Variants in EPM2A observed in about 807,000 individuals in gnomAD.
EPM2A encodes laforin.
In EPM2A, 21 loss-of-function variants were observed where a neutral mutation model predicts 26.5. That is an observed-to-expected ratio of 0.79 (90% CI 0.56 to 1.14). The LOEUF (loss-of-function observed/expected upper bound fraction) is 1.14. EPM2A is among the 50% of genes most tolerant of loss of function. The probability of loss-of-function intolerance (pLI) is 0.00; values close to 1 mark genes in which losing one functional copy is unlikely to be tolerated. For synonymous variants in EPM2A, 217 were observed against 177.6 expected, an observed-to-expected ratio of 1.22 and a Z score of -1.76; for missense variants, 458 against 440.8, an observed-to-expected ratio of 1.04 and a Z score of -0.35.
chr6:145,641,619 C>T (rs569922733), intron 2 of EPM2A, among the ~76,000 whole-genome samples: 42 of 152,272 alleles, frequency 2.8e-4, no homozygotes, highest in Middle Eastern at 6.8e-3. Flanking sequence ...ATACACCAGA[C>T]GTCCTTAAAG....
chr6:145,448,456 TAAAGA>T (rs904265871), intron 4 of EPM2A, among the ~76,000 whole-genome samples: 2 of 152,056 alleles, frequency 1.3e-5, no homozygotes, highest in Non-Finnish European at 2.9e-5. Context: ...GTCAGATTAT[TAAAGA>T]AGAGAAAGGA....
At chr6:145,429,643 A>G (rs1460854452) in intron 4 of EPM2A, among the ~76,000 whole-genome samples, 1 of 152,194 alleles carries the variant, frequency 6.6e-6, no homozygotes, top group South Asian at 2.1e-4. Flanking sequence ...AATAATGCAA[A>G]TTTAATTTTT....
chr6:145,457,807 T>C (rs554427855), intron 4 of EPM2A, among the ~76,000 whole-genome samples: 1 of 152,334 alleles, frequency 6.6e-6, no homozygotes, highest in South Asian at 2.1e-4. Flanking sequence ...AATATGTGAT[T>C]CACATGATAA....
chr6:145,457,033 T>C (rs113433699), intron 4 of EPM2A, among the ~76,000 whole-genome samples: 57 of 152,356 alleles, frequency 3.7e-4, no homozygotes, highest in African/African-American at 1.4e-3. Flanking sequence ...GATTGTTTAT[T>C]ATGTGCTAAG....
chr6:145,697,036 A>T (rs1354749261), intron 1 of EPM2A, among the ~76,000 whole-genome samples: 1 of 152,136 alleles, frequency 6.6e-6, no homozygotes, highest in Admixed American at 6.6e-5. Context: ...TGGGCTCATA[A>T]CTTGGTGCAT....
At chr6:145,496,728 A>ATGTTTTCTTGTTTTT (rs779194973), downstream of EPM2A, among the ~76,000 whole-genome samples, 2 of 106,908 alleles carry the variant, frequency 1.9e-5, no homozygotes, top group Non-Finnish European at 3.9e-5. Context: ...AGTTCCTGCA[A>ATGTTTTCTTGTTTTT]TTTTTTTTTT....
chr6:145,443,749 G>A (rs1367936924), intron 4 of EPM2A, among the ~76,000 whole-genome samples: 1 of 152,144 alleles, frequency 6.6e-6, no homozygotes, highest in East Asian at 1.9e-4. Flanking sequence ...CCCATGTGTT[G>A]TGGAAGGGAC....
chr6:145,415,682 A>G (rs1012639004), intron 4 of EPM2A, among the ~76,000 whole-genome samples: 3 of 152,200 alleles, frequency 2.0e-5, no homozygotes, highest in Non-Finnish European at 4.4e-5. Flanking sequence ...TACACTTTAC[A>G]AAGTACTGTA....
intron 2 of EPM2A, among the ~76,000 whole-genome samples, chr6:145,644,485 A>G (rs1777314928): frequency 6.6e-6 from 1 of 152,138 alleles, no homozygotes; most frequent in Non-Finnish European, 1.5e-5. Context: ...AAAATTTAGG[A>G]AAATACACAT....
chr6:145,384,925 A>G lies in EPM2A; in HGVS notation c.556-828T>C, dbSNP rs1187810538. On this transcript the variant is annotated intron_variant, in intron 4 of 4. Transcript: ENST00000638717. ...GAGATAAGACAACGACTAGGCATCT[A>G]TGAGGTCTCCATAAGAACATAAATC... Among the ~76,000 whole-genome samples the G allele has an allele frequency of 2.7e-5, 4 of 147,912 alleles. 1 individual carries two copies. Among genetic ancestry groups the G allele is most frequent in the African/African-American group, 7.5e-5 (3 of 39,938 alleles).
intron 2 of EPM2A, among the ~76,000 whole-genome samples, chr6:145,616,042 C>T (rs1160561686): frequency 1.3e-5 from 2 of 152,190 alleles, no homozygotes; most frequent in Non-Finnish European, 2.9e-5. Flanking sequence ...TAATGAGGAA[C>T]CAAATGTGAA....
chr6:145,580,205 A>G (rs1231276148), intron 2 of EPM2A, among the ~76,000 whole-genome samples: 3 of 152,174 alleles, frequency 2.0e-5, no homozygotes, highest in Non-Finnish European at 4.4e-5. Flanking sequence ...GACTTCCTCC[A>G]AAATTTCATG....
intron 2 of EPM2A, among the ~76,000 whole-genome samples, chr6:145,613,382 T>G (rs1319074970): frequency 1.3e-5 from 2 of 152,200 alleles, no homozygotes; most frequent in Admixed American, 1.3e-4. Flanking sequence ...TCAGGATGGT[T>G]GAAATCAACT....
At chr6:145,501,279 T>C (rs550677482), downstream of EPM2A, among the ~76,000 whole-genome samples, 2 of 152,326 alleles carry the variant, frequency 1.3e-5, 1 homozygote, top group South Asian at 4.1e-4. Flanking sequence ...GGAATTTTTC[T>C]TTGTGCCCAA....
intron 4 of EPM2A, among the ~76,000 whole-genome samples, chr6:145,401,658 A>G (rs1778492360): frequency 6.6e-6 from 1 of 152,170 alleles, no homozygotes; most frequent in Admixed American, 6.6e-5. Context: ...CTGAATCTCC[A>G]TCATTAGACT....
intron 4 of EPM2A, among the ~76,000 whole-genome samples, chr6:145,385,665 G>T (rs1368148952): frequency 2.0e-5 from 3 of 152,052 alleles, no homozygotes; most frequent in Admixed American, 2.0e-4. Context: ...CAAGGTGACG[G>T]TGTTTCTGTA....
intron 2 of EPM2A, among the ~76,000 whole-genome samples, chr6:145,659,285 A>G (rs1274674301): frequency 6.6e-6 from 1 of 152,200 alleles, no homozygotes; most frequent in African/African-American, 2.4e-5. Flanking sequence ...AATTGTGCAA[A>G]GCAACAGTCC....
intron 4 of EPM2A, among the ~76,000 whole-genome samples, chr6:145,478,648 T>C (rs1779570290): frequency 6.6e-6 from 1 of 151,834 alleles, no homozygotes; most frequent in Admixed American, 6.6e-5. Context: ...CATAAGCATC[T>C]GTAGCTATAC....
chr6:145,467,388 T>C (rs1439489692), intron 4 of EPM2A, among the ~76,000 whole-genome samples: 1 of 152,130 alleles, frequency 6.6e-6, no homozygotes, highest in Non-Finnish European at 1.5e-5. Flanking sequence ...ATTGCCTTTG[T>C]CACATATTAA....
Sources: gnomAD v4.1 joint callset for allele counts (sites outside exome capture counted in the v4.1 genomes callset) on GRCh38, gnomAD v4.1.1 for gene constraint, MANE v1.5 for transcripts, NCBI Gene and HGNC (gene_info 2026-07-23, HGNC 2026-07-21) for gene names.